Variants in USP34 observed in about 807,000 individuals in gnomAD.
The protein encoded by USP34 is ubiquitin carboxyl-terminal hydrolase 34.
In USP34, 70 loss-of-function variants were observed where a neutral mutation model predicts 460.3. The observed-to-expected ratio is 0.15, with a 90% CI of 0.13 to 0.19. The LOEUF (loss-of-function observed/expected upper bound fraction) is 0.19. Among genes scored for constraint, USP34 ranks in the 10% least tolerant of loss-of-function variants. The pLI is 1.00. For synonymous variants in USP34, 1,647 were observed against 1,405.3 expected, an observed-to-expected ratio of 1.17 and a Z score of -3.85; for missense variants, 3,985 against 4,236.2, an observed-to-expected ratio of 0.94 and a Z score of 1.65.
At chr2:61,214,717 G>A in intron 67 of USP34, 23 bp from the exon 68 acceptor site, 1 of 1,610,510 alleles carries the variant, frequency 6.2e-7, no homozygotes, top group Non-Finnish European at 8.5e-7. Context: ...AAACAAAACT[G>A]TCAGATCCTT....
At chr2:61,424,535 T>C (rs1694453872) in intron 1 of USP34, among the ~76,000 whole-genome samples, 1 of 152,152 alleles carries the variant, frequency 6.6e-6, no homozygotes, top group Non-Finnish European at 1.5e-5. Context: ...AGAGATTTGT[T>C]GCACGAGAAT....
chr2:61,235,603 C>T (rs1271054101), intron 57 of USP34, among the ~76,000 whole-genome samples: 2 of 151,950 alleles, frequency 1.3e-5, no homozygotes, highest in East Asian at 1.9e-4. Flanking sequence ...GGGTTACAGG[C>T]GTGAGCCACC....
At chr2:61,296,563 A>G (rs528299073) in intron 30 of USP34, among the ~76,000 whole-genome samples, 1 of 152,374 alleles carries the variant, frequency 6.6e-6, no homozygotes, top group East Asian at 1.9e-4. Context: ...AAATGTCAAT[A>G]ATTTTAGAAA....
intron 58 of USP34, 79 bp downstream of exon 58, chr2:61,232,373 C>G (rs755552529): frequency 3.3e-6 from 4 of 1,205,638 alleles, no homozygotes; most frequent in Non-Finnish European, 4.9e-6. Context: ...TTAAGACACA[C>G]TTATAAGCAA....
chr2:61,415,997 G>T (rs1367155105), intron 2 of USP34, among the ~76,000 whole-genome samples: 1 of 152,154 alleles, frequency 6.6e-6, no homozygotes, highest in Non-Finnish European at 1.5e-5. Flanking sequence ...TCCAGGTTAG[G>T]TTTTAGAATT....
intron 6 of USP34, among the ~76,000 whole-genome samples, chr2:61,382,261 T>C (rs1458843653): frequency 6.6e-6 from 1 of 152,120 alleles, no homozygotes; most frequent in African/African-American, 2.4e-5. Context: ...AAAAATTAAA[T>C]CCATACTCCT....
intron 25 of USP34, among the ~76,000 whole-genome samples, chr2:61,313,348 A>G (rs1195817247): frequency 6.6e-6 from 1 of 152,146 alleles, no homozygotes; most frequent in Non-Finnish European, 1.5e-5. Context: ...ATACATTTTT[A>G]AAGACTTAAA....
At chr2:61,195,456 G>A (rs1289843979) in intron 75 of USP34, among the ~76,000 whole-genome samples, 1 of 150,990 alleles carries the variant, frequency 6.6e-6, no homozygotes, top group Non-Finnish European at 1.5e-5. Context: ...GGCAGATCAT[G>A]AGGTCAGGAG....
intron 20 of USP34, among the ~76,000 whole-genome samples, chr2:61,328,279 G>A (rs1265900968): frequency 7.0e-6 from 1 of 142,464 alleles, no homozygotes; most frequent in Non-Finnish European, 1.5e-5. Context: ...TCCAGCCTGG[G>A]CAAAAGAGCA....
chr2:61,315,431 G>T (rs1286413538), intron 23 of USP34, among the ~76,000 whole-genome samples: 1 of 151,392 alleles, frequency 6.6e-6, no homozygotes, highest in Non-Finnish European at 1.5e-5. Flanking sequence ...GGAGTGCAGT[G>T]GCGCAATCTT....
intron 38 of USP34, 83 bp from the exon 39 acceptor site, chr2:61,280,431 G>T: frequency 4.7e-6 from 3 of 637,540 alleles, no homozygotes. Context: ...GAGGCTTTAT[G>T]AAATAAATTC....
rs369608374 is a variant in USP34, at chr2:61,190,305, A to T, written c.9839T>A (p.Val3280Asp). 1.2e-6 allele frequency: 2 copies of T among 1,613,418 alleles called. No homozygotes were observed. The highest frequency in any genetic ancestry group is 1.7e-6 in the Non-Finnish European group (2 of 1,179,838). ...AGAAGCACTTGCTTTGGAAATTTCAACTCGGTTGGAGAAATCAGACTGTAG... is the reference window on the plus strand; with the variant it reads ...AGAAGCACTTGCTTTGGAAATTTCATCTCGGTTGGAGAAATCAGACTGTAG... Reference protein sequence around the residue: ...QNLQSDFSNRVEISKASASLN... With the variant: ...QNLQSDFSNRDEISKASASLN... Residue 3280 changes from valine to aspartate, a missense_variant, in exon 78 of 80, where the codon GTT (valine) becomes GAT (aspartate). Transcript: ENST00000398571.
At chr2:61,385,512 A>C (rs1693111035) in intron 5 of USP34, among the ~76,000 whole-genome samples, 1 of 151,712 alleles carries the variant, frequency 6.6e-6, no homozygotes. Flanking sequence ...TCTACTAAAA[A>C]TACAAAAAAC....
At chr2:61,291,626 A>G (rs998584163) in intron 33 of USP34, among the ~76,000 whole-genome samples, 61 of 152,354 alleles carry the variant, frequency 4.0e-4, no homozygotes, top group African/African-American at 1.3e-3. Flanking sequence ...ATACATGCAT[A>G]CATGCTTATG....
chr2:61,370,220 C>CTCCTTAGCTATAA lies in USP34; in HGVS notation c.1251+88_1251+100dup, dbSNP rs1461828385. On this transcript the variant is annotated intron_variant, in intron 10 of 79. Transcript: ENST00000398571. ...AGTCCCAGCTTGTCCATGTCTTGGT[C>CTCCTTAGCTATAA]TCCTTAGCTATAAAACAGGATAATA... 8 of 1,221,532 alleles carry CTCCTTAGCTATAA rather than the reference C, an allele frequency of 6.5e-6. No individual in the cohort carries two copies. The Admixed American group carries it at 1.1e-4, about 17-fold the overall frequency. 75.7% of individuals were successfully genotyped at this position (1,221,532 alleles called of 1,614,324 possible).
Position 61,278,189 on chromosome 2 carries a change from G to C in USP34, c.5409C>G (p.Pro1803=). 6.2e-7 allele frequency: 1 copy of C among 1,613,156 alleles called. No individual in the cohort carries two copies. The highest frequency in any genetic ancestry group is 8.5e-7 in the Non-Finnish European group (1 of 1,179,536). Residue 1803 remains proline (P), a synonymous_variant, in exon 41 of 80, where the codon CCC becomes CCG. Coordinates refer to ENST00000398571, the MANE Select transcript of USP34 (RefSeq NM_014709.4). ...LATSVVKHKP[P]FKFSREGQEF... ...CCTGTCCTTCCCTTGAAAATTTAAA[G>C]GGTGGTTTGTGTTTAACAACACTTG...
intron 18 of USP34, among the ~76,000 whole-genome samples, chr2:61,338,654 G>A (rs1308933188): frequency 6.6e-6 from 1 of 152,108 alleles, no homozygotes; most frequent in African/African-American, 2.4e-5. Flanking sequence ...CACTATCAAA[G>A]CAGTATAGGT....
At chr2:61,249,080 G>A (rs893246966) in intron 48 of USP34, among the ~76,000 whole-genome samples, 1 of 152,178 alleles carries the variant, frequency 6.6e-6, no homozygotes, top group Non-Finnish European at 1.5e-5. Flanking sequence ...CACAGCAAGA[G>A]ATTAACAAGT....
intron 51 of USP34, among the ~76,000 whole-genome samples, chr2:61,244,070 A>G (rs1443425867): frequency 1.3e-5 from 2 of 152,088 alleles, no homozygotes; most frequent in African/African-American, 2.4e-5. Flanking sequence ...AAAATCTGGA[A>G]TGTGTATCAT....
Sources: gnomAD v4.1 joint callset for allele counts (sites outside exome capture counted in the v4.1 genomes callset) on GRCh38, gnomAD v4.1.1 for gene constraint, MANE v1.5 for transcripts, NCBI Gene and HGNC (gene_info 2026-07-23, HGNC 2026-07-21) for gene names.